PYCR1: variants seen among roughly 807,000 people sequenced by gnomAD.
The protein encoded by PYCR1 is pyrroline-5-carboxylate reductase 1, also known as pyrroline-5-carboxylate reductase 1, mitochondrial.
In PYCR1, 19 loss-of-function variants were observed where a neutral mutation model predicts 22.9. That is an observed-to-expected ratio of 0.83 (90% CI 0.58 to 1.22). PYCR1 has a LOEUF of 1.22. PYCR1 is among the 50% of genes most tolerant of loss of function. PYCR1 has a pLI of 0.00. For synonymous variants in PYCR1, 175 were observed against 180.5 expected (o/e 0.97, Z 0.24); for missense variants, 429 against 431.3 (o/e 0.99, Z 0.05).
rs1030168942 is a variant in PYCR1 at position 81,935,478 on chromosome 17, C to T, written c.177G>A (p.Thr59=). 1.8e-5 allele frequency: 29 copies of T among 1,612,688 alleles called. No homozygotes were observed. Among genetic ancestry groups the T allele is most frequent in the Non-Finnish European group, 2.3e-5 (27 of 1,179,674 alleles). The change falls in exon 3 of 7, where the codon ACG becomes ACA. Residue 59 remains threonine (T), a synonymous_variant. Transcript: ENST00000329875. The part of the protein sequence containing the change: ...GVKLTPHNKE[T]VQHSDVLFLA... The stretch of plus-strand genomic sequence containing the variant: ...GGAAGAGCACATCACTGTGCTGCAC[C>T]GTCTCCTTGTTGTGGGGTGTCAACT...
rs913844617 is a variant in PYCR1 at position 81,937,278 on chromosome 17, C to G, written c.-464G>C. 7.6e-6 allele frequency: 9 copies of G among 1,180,014 alleles called. No individual in the cohort carries two copies. Among genetic ancestry groups the G allele is most frequent in the Non-Finnish European group, 9.6e-6 (9 of 934,422 alleles). 73.1% of individuals were successfully genotyped at this position (1,180,014 alleles called of 1,614,324 possible). A position where few individuals can be genotyped will look rare whatever the true frequency, so the allele number is the denominator to read the frequency against. On this transcript the variant is annotated 5_prime_UTR_variant, in exon 1 of 7. Coordinates refer to ENST00000329875, the MANE Select transcript of PYCR1 (RefSeq NM_006907.4). Reference sequence around the variant, plus strand: ...CGTACCCACCCCTCAGCGCTGCGGCCGCCACGCGGCACCCGCACCCAGGCC... The same window carrying G: ...CGTACCCACCCCTCAGCGCTGCGGCGGCCACGCGGCACCCGCACCCAGGCC...
Position 81,937,290 on chromosome 17 carries a change from C to A in PYCR1, c.-476G>T. On this transcript the variant is annotated 5_prime_UTR_variant, in exon 1 of 7. Transcript: ENST00000329875. The stretch of plus-strand genomic sequence containing the variant: ...TCAGCGCTGCGGCCGCCACGCGGCA[C>A]CCGCACCCAGGCCCCGCCCCCGTCG... The A allele has an allele frequency of 7.1e-6, 8 of 1,127,338 alleles. No individual in the cohort carries two copies. The highest frequency in any genetic ancestry group is 7.9e-6 in the Non-Finnish European group (7 of 889,562). The allele number at this position is 1,127,338 out of a possible 1,614,324, so 69.8% of individuals were successfully genotyped here.
chr17:81,934,512 C>A, intron 5 of PYCR1, 23 bp from the exon 6 acceptor site: 1 of 1,581,404 alleles, frequency 6.3e-7, no homozygotes, highest in Non-Finnish European at 8.6e-7. Flanking sequence ...GAAAGGCTGA[C>A]GGCTGTGGGC....
chr17:81,936,051 G>T, intron 2 of PYCR1, 72 bp downstream of exon 2: 1 of 1,548,302 alleles, frequency 6.5e-7, no homozygotes, highest in Non-Finnish European at 8.9e-7. Context: ...GGGGGCTACA[G>T]CACACACTCC....
At chr17:81,935,611 T>TTTGGGG in intron 2 of PYCR1, 95 bp from the exon 3 acceptor site, 1 of 715,942 alleles carries the variant, frequency 1.4e-6, no homozygotes, top group African/African-American at 1.8e-5. Flanking sequence ...CAGAGAATGC[T>TTTGGGG]GGAGTTGGGG....
chr17:81,935,400 G>A lies in PYCR1; in HGVS notation c.255C>T (p.Asp85=). The A allele has an allele frequency of 6.2e-7, 1 of 1,613,646 alleles. No homozygotes were observed. Among genetic ancestry groups the A allele is most frequent in the Non-Finnish European group, 8.5e-7 (1 of 1,180,012 alleles). Reference sequence around the variant, plus strand: ...ACACCACAATGTGTCTGTCCTCAATGTCGGCGCCTATTTCATCCAGGATGA... The same window carrying A: ...ACACCACAATGTGTCTGTCCTCAATATCGGCGCCTATTTCATCCAGGATGA... ...IPFILDEIGA[D]IEDRHIVVSC... is the part of the protein sequence containing the mutation. The change falls in exon 3 of 7, where the codon GAC becomes GAT. Residue 85 remains aspartate, a synonymous_variant. Coordinates refer to ENST00000329875, the MANE Select transcript of PYCR1 (RefSeq NM_006907.4).
At chr17:81,933,435 T>C (rs1048166095) in intron 6 of PYCR1, 59 bp from the exon 7 acceptor site, 1 of 1,594,722 alleles carries the variant, frequency 6.3e-7, no homozygotes, top group Non-Finnish European at 8.6e-7. Context: ...GAAGAGGGAG[T>C]GAAGCCCACA....
intron 5 of PYCR1, 62 bp downstream of exon 5, chr17:81,934,591 C>T: frequency 6.5e-7 from 1 of 1,548,880 alleles, no homozygotes; most frequent in Non-Finnish European, 8.7e-7. Flanking sequence ...TTGGCTCCTC[C>T]CAGTGAAGCC....
At chr17:81,936,005 G>T in intron 2 of PYCR1, 118 bp downstream of exon 2, 2 of 1,145,124 alleles carry the variant, frequency 1.7e-6, no homozygotes, top group Non-Finnish European at 2.6e-6. Context: ...TGGGGTCCAT[G>T]AGACCCCAGC....
At chr17:81,934,546 T>G in intron 5 of PYCR1, 57 bp from the exon 6 acceptor site, 2 of 1,557,424 alleles carry the variant, frequency 1.3e-6, no homozygotes, top group Non-Finnish European at 1.7e-6. Context: ...TGCGGGGCAC[T>G]GCCCCAGCCA....
Position 81,934,692 on chromosome 17 carries a change from TG to T in PYCR1, c.593del (p.Pro198GlnfsTer93). ...CCCCGAGGCGGACTGCCAGGCGCCT[TG>T]GAAGTCCCATCTTCACACCCCCATC... is the stretch of plus-strand genomic sequence containing the variant. ...LADGGVKMGL[P>X]RRLAVRLGAQ... On this transcript the variant is annotated frameshift_variant, in exon 5 of 7. Coordinates refer to ENST00000329875, the MANE Select transcript of PYCR1 (RefSeq NM_006907.4). LOFTEE classifies it high-confidence loss of function. The T allele has an allele frequency of 6.4e-7, 1 of 1,573,520 alleles. No homozygotes were observed. The highest frequency in any genetic ancestry group is 8.6e-7 in the Non-Finnish European group (1 of 1,160,238).
rs149456432 is a variant in PYCR1, at chr17:81,932,862, G to A, written c.*352C>T. On this transcript the variant is annotated 3_prime_UTR_variant, in exon 7 of 7. Transcript: ENST00000329875. ...ACCTCTGCTGAGCCTTCACAGAGGGGGTCCTTGACCTTTGCTCTCAGGAAG... is the reference window on the plus strand; with the variant it reads ...ACCTCTGCTGAGCCTTCACAGAGGGAGTCCTTGACCTTTGCTCTCAGGAAG... 6.2e-7 allele frequency: 1 copy of A among 1,602,754 alleles called. No homozygotes were observed. The highest frequency in any genetic ancestry group is 1.7e-5 in the Admixed American group (1 of 58,712).
rs773796809 is a variant in PYCR1 at position 81,935,032 on chromosome 17, T to A, written c.434A>T (p.Asp145Val). The change falls in exon 4 of 7, where the codon GAC (aspartate) becomes GTC (valine). Residue 145 changes from aspartate to valine, a missense_variant. By Grantham distance (152) the Asp-to-Val change is radical. Coordinates refer to ENST00000329875, the MANE Select transcript of PYCR1 (RefSeq NM_006907.4). ...CAGCAGCTGCTCCATGAGCCTCCCG[T>A]CCTCCACCTGGGCGTGCGTGCCTGT... is the stretch of plus-strand genomic sequence containing the variant. ...YATGTHAQVE[D>V]GRLMEQLLSS... The A allele has an allele frequency of 3.7e-6, 6 of 1,610,534 alleles. No individual in the cohort carries two copies. The highest frequency in any genetic ancestry group is 5.1e-6 in the Non-Finnish European group (6 of 1,179,990).
intron 4 of PYCR1, 70 bp downstream of exon 4, chr17:81,934,856 G>T (rs2041127775): frequency 6.4e-7 from 1 of 1,574,518 alleles, no homozygotes; most frequent in Non-Finnish European, 8.6e-7. Context: ...CTCCCAGGGG[G>T]AGCAGGGACA....
In PYCR1 at chr17:81,936,856, C is replaced by G. The variant is rs2041212331; in HGVS notation, c.-42G>C. 1 of 1,587,344 alleles carries G rather than the reference C, an allele frequency of 6.3e-7. No individual in the cohort carries two copies. The highest frequency in any genetic ancestry group is 1.3e-5 in the African/African-American group (1 of 74,630). On this transcript the variant is annotated 5_prime_UTR_variant, in exon 1 of 7. Coordinates refer to ENST00000329875, the MANE Select transcript of PYCR1 (RefSeq NM_006907.4). Reference sequence around the variant, plus strand: ...TGGCCCAAAGCCCCCACAGATGGCACCGGCTCTGCGGGACGAGACCGGCAG... The same window carrying G: ...TGGCCCAAAGCCCCCACAGATGGCAGCGGCTCTGCGGGACGAGACCGGCAG...
chr17:81,935,204 AC>A (rs2041147860), intron 3 of PYCR1, 57 bp from the exon 4 acceptor site: 1 of 1,567,412 alleles, frequency 6.4e-7, no homozygotes. Context: ...AGATGCACTC[AC>A]CCCACCAAGC....
chr17:81,933,370 C>T lies in PYCR1; in HGVS notation c.804G>A (p.Leu268=). The T allele has an allele frequency of 2.5e-6, 4 of 1,613,746 alleles. No individual in the cohort carries two copies. The highest frequency in any genetic ancestry group is 3.4e-6 in the Non-Finnish European group (4 of 1,179,986). ...CCTGCTCCTGGTCAGCCATGGACTGCAGCTCCCTAGAGAGGCAGGGAGAGG... is the reference window on the plus strand; with the variant it reads ...CCTGCTCCTGGTCAGCCATGGACTGTAGCTCCCTAGAGAGGCAGGGAGAGG... ...VEASCIRTRE[L]QSMADQEQVS... Residue 268 remains leucine (L), a synonymous_variant, in exon 7 of 7, where the codon CTG becomes CTA. Coordinates refer to ENST00000329875, the MANE Select transcript of PYCR1 (RefSeq NM_006907.4).
chr17:81,934,116 A>G (rs542614947), intron 6 of PYCR1: 4 of 690,132 alleles, frequency 5.8e-6, no homozygotes, highest in South Asian at 3.3e-5. Context: ...GGGTCCCTCT[A>G]TGGATGTTCC....
intron 3 of PYCR1, 92 bp downstream of exon 3, chr17:81,935,245 C>T (rs983740605): frequency 2.5e-5 from 40 of 1,576,756 alleles, no homozygotes; most frequent in Non-Finnish European, 3.3e-5. Flanking sequence ...TGGGCCGGGA[C>T]GCTGCAACCC....
Sources: allele counts gnomAD v4.1 joint callset, GRCh38; gene constraint gnomAD v4.1.1; transcripts MANE v1.5; gene names NCBI Gene and HGNC (gene_info 2026-07-23, HGNC 2026-07-21).